Variants in WDR49 observed in about 807,000 individuals in gnomAD.
WDR49 encodes the protein cilia- and flagella-associated protein 337.
In WDR49, 107 loss-of-function variants were observed where a neutral mutation model predicts 119.5. The ratio of observed to expected loss-of-function variants is 0.90; its 90% confidence interval spans 0.77 to 1.05. The LOEUF is 1.05. Ranked by LOEUF, WDR49 falls within the 50% of genes least tolerant of loss-of-function variation. The pLI is 0.00. For missense variants in WDR49, 1,240 were observed against 1,220.5 expected (o/e 1.02, Z -0.24); for synonymous variants, 425 against 418.8 (o/e 1.01, Z -0.18).
At chr3:167,629,316 G>A (rs1315622921) in intron 2 of WDR49, among the ~76,000 whole-genome samples, 1 of 152,026 alleles carries the variant, frequency 6.6e-6, no homozygotes, top group Non-Finnish European at 1.5e-5. Context: ...ATGGTTTATT[G>A]AATATACATG....
At chr3:167,546,821 T>G (rs56237751) in intron 10 of WDR49, among the ~76,000 whole-genome samples, 40,178 of 151,660 alleles carry the variant, frequency 0.26, 5,555 homozygotes, top group South Asian at 0.31. Flanking sequence ...TTCAATTAAC[T>G]ACTTGTTCCC....
intron 17 of WDR49, among the ~76,000 whole-genome samples, chr3:167,502,334 A>G (rs1023531184): frequency 3.3e-5 from 5 of 152,310 alleles, no homozygotes; most frequent in African/African-American, 1.2e-4. Context: ...ACATTTCTTT[A>G]CGGCAATGCA....
chr3:167,647,124 CA>C (rs1056458496), intron 2 of WDR49, among the ~76,000 whole-genome samples: 1 of 152,108 alleles, frequency 6.6e-6, no homozygotes, highest in African/African-American at 2.4e-5. Flanking sequence ...AGGAAAATTT[CA>C]AAAGTAGCAG....
intron 3 of WDR49, among the ~76,000 whole-genome samples, chr3:167,624,104 AG>A (rs1717002966): frequency 1.3e-5 from 2 of 152,012 alleles, no homozygotes; most frequent in African/African-American, 4.8e-5. Context: ...GAAGATGTAC[AG>A]GTAGCAAACC....
chr3:167,491,800 T>C (rs963286270), intron 18 of WDR49, among the ~76,000 whole-genome samples: 1 of 152,128 alleles, frequency 6.6e-6, no homozygotes, highest in Non-Finnish European at 1.5e-5. Flanking sequence ...TCAAGCTGTT[T>C]AAGAACCAAC....
chr3:167,479,154 T>C, intron 18 of WDR49, 158 bp from the exon 19 acceptor site: 1 of 600,182 alleles, frequency 1.7e-6, no homozygotes, highest in South Asian at 2.1e-5. Flanking sequence ...AAGCTTCTGC[T>C]ATTCTGTTTA....
Position 167,560,160 on chromosome 3 carries a change from C to A in WDR49, c.1578G>T (p.Gln526His), listed in dbSNP as rs1577240224. Residue 526 changes from glutamine (Q) to histidine (H), a missense_variant, in exon 9 of 19, where the codon CAG becomes CAT. Coordinates refer to ENST00000682715, the MANE Select transcript of WDR49 (RefSeq NM_001366157.1). ...CTGCGTTGCCGTGGCAACCAGTAAA[C>A]TGTTTGATTTTCTGCCCAGTGTCTA... Reference protein sequence around the residue: ...WMIDTGQKIKQFTGCHGNAEI... With the variant: ...WMIDTGQKIKHFTGCHGNAEI... The A allele has an allele frequency of 6.2e-7, 1 of 1,614,174 alleles. No individual in the cohort carries two copies. Among genetic ancestry groups the A allele is most frequent in the Non-Finnish European group, 8.5e-7 (1 of 1,180,024 alleles).
chr3:167,647,810 GA>G (rs995294273), intron 2 of WDR49, among the ~76,000 whole-genome samples: 3 of 151,994 alleles, frequency 2.0e-5, no homozygotes, highest in African/African-American at 7.2e-5. Context: ...CCTTTAGAAA[GA>G]AAAAAATATT....
chr3:167,650,430 C>T (rs1251327302), intron 2 of WDR49, among the ~76,000 whole-genome samples: 1 of 152,118 alleles, frequency 6.6e-6, no homozygotes, highest in Non-Finnish European at 1.5e-5. Context: ...CTTTTGACAC[C>T]ATCACTTAAA....
intron 18 of WDR49, among the ~76,000 whole-genome samples, chr3:167,481,646 T>C (rs754070934): frequency 6.6e-6 from 1 of 152,152 alleles, no homozygotes; most frequent in Admixed American, 6.5e-5. Flanking sequence ...AAGCTTTAAT[T>C]GGACTTAATA....
intron 10 of WDR49, among the ~76,000 whole-genome samples, chr3:167,553,851 T>C (rs1185529341): frequency 1.3e-5 from 2 of 152,106 alleles, no homozygotes; most frequent in Non-Finnish European, 2.9e-5. Context: ...TGGTCTGCAT[T>C]TGCACATTTG....
chr3:167,611,559 C>T (rs1248353199), intron 5 of WDR49, among the ~76,000 whole-genome samples: 3 of 151,932 alleles, frequency 2.0e-5, no homozygotes, highest in Admixed American at 6.6e-5. Flanking sequence ...AAACAAGACG[C>T]ATTGAACTGT....
chr3:167,487,604 G>A (rs1482828139), intron 18 of WDR49, among the ~76,000 whole-genome samples: 1 of 151,978 alleles, frequency 6.6e-6, no homozygotes, highest in Admixed American at 6.6e-5. Flanking sequence ...CGTACAGAAC[G>A]GGAGAAAATA....
At position 167,573,430 on chromosome 3, in the gene WDR49, A is replaced by ACACAC. The variant is rs1553867426; in HGVS notation, c.1509+2487_1509+2488insGTGTG. On this transcript the variant is annotated intron_variant, in intron 8 of 18. Coordinates refer to ENST00000682715, the MANE Select transcript of WDR49 (RefSeq NM_001366157.1). ...CACACACACACACACACACACACAC[A>ACACAC]ACACAAATAGATAGATCTGTATTTT... is the stretch of plus-strand genomic sequence containing the variant. Among the ~76,000 whole-genome samples the ACACAC allele has an allele frequency of 4.4e-3, 644 of 145,418 alleles. 6 individuals carry two copies. Among genetic ancestry groups the ACACAC allele is most frequent in the African/African-American group, 0.016 (604 of 38,246 alleles).
At chr3:167,648,343 A>G (rs1718222858) in intron 2 of WDR49, among the ~76,000 whole-genome samples, 1 of 152,216 alleles carries the variant, frequency 6.6e-6, no homozygotes, top group African/African-American at 2.4e-5. Flanking sequence ...ACAACAGAAG[A>G]TACATAGGCA....
intron 15 of WDR49, among the ~76,000 whole-genome samples, chr3:167,526,131 C>T (rs1037078033): frequency 6.6e-5 from 10 of 152,074 alleles, no homozygotes; most frequent in African/African-American, 2.4e-4. Context: ...TGACTCTTCT[C>T]CTGTCTTGAA....
At chr3:167,522,569 C>G in intron 15 of WDR49, 85 bp from the exon 16 acceptor site, 1 of 1,386,718 alleles carries the variant, frequency 7.2e-7, no homozygotes, top group Non-Finnish European at 9.7e-7. Context: ...TGCTGGATTA[C>G]TAATTAAAGT....
intron 16 of WDR49, among the ~76,000 whole-genome samples, chr3:167,516,805 G>T (rs1256436995): frequency 1.3e-5 from 2 of 152,088 alleles, no homozygotes; most frequent in African/African-American, 2.4e-5. Flanking sequence ...GAAAATTTTT[G>T]CAATCTACTA....
chr3:167,593,814 A>C lies in WDR49; in HGVS notation c.1275+8313T>G, dbSNP rs77497214. ...GTAATCCCCATGTGCTGAGGGAAGG[A>C]CCTAGTTGTAGGTGACTGGATCATG... On this transcript the variant is annotated intron_variant, in intron 7 of 18. Coordinates refer to ENST00000682715, the MANE Select transcript of WDR49 (RefSeq NM_001366157.1). Among the ~76,000 whole-genome samples the C allele has an allele frequency of 8.8e-3, 1,341 of 152,132 alleles. 88 individuals carry two copies. The East Asian group carries it at 0.17, about 20-fold the overall frequency.
Sources: gnomAD v4.1 joint callset for allele counts (sites outside exome capture counted in the v4.1 genomes callset) on GRCh38, gnomAD v4.1.1 for gene constraint, MANE v1.5 for transcripts, NCBI Gene and HGNC (gene_info 2026-07-23, HGNC 2026-07-21) for gene names.